Variants in TIMM23B observed in about 807,000 individuals in gnomAD.
TIMM23B encodes mitochondrial import inner membrane translocase subunit Tim23B.
In TIMM23B, 27 loss-of-function variants were observed where a neutral mutation model predicts 27.3. The ratio of observed to expected loss-of-function variants is 0.99; its 90% CI spans 0.73 to 1.36. The LOEUF is 1.36. TIMM23B is among the 40% of genes most tolerant of loss of function. The probability of loss-of-function intolerance (pLI) is 0.00; values close to 1 mark genes in which losing one functional copy is unlikely to be tolerated. For synonymous variants in TIMM23B, 73 were observed against 92.4 expected (o/e 0.79, Z 1.21); for missense variants, 205 against 244.2 (o/e 0.84, Z 1.07).
chr10:49,952,127 A>T lies in TIMM23B; in HGVS notation c.167A>T (p.Asp56Val), dbSNP rs1205449431. 9 of 1,593,408 alleles carry T rather than the reference A, an allele frequency of 5.6e-6. No individual in the cohort carries two copies. The Admixed American group carries it at 1.5e-4, about 27-fold the overall frequency. Reference sequence around the variant, plus strand: ...TGGTTTTCATTATTATCCTTTTAGGATACAGATGAGTTCATTTTACCTACC... The same window carrying T: ...TGGTTTTCATTATTATCCTTTTAGGTTACAGATGAGTTCATTTTACCTACC... ...LNVDPRYLVQ[D>V]TDEFILPTGA... Residue 56 changes from aspartate (D) to valine (V), a missense_variant and splice_region_variant, in exon 3 of 7, where the codon GAT becomes GTT. Physicochemically the swap from Asp to Val is radical, Grantham distance 152. Coordinates refer to ENST00000651259, the MANE Select transcript of TIMM23B (RefSeq NM_001290117.2).
intron 1 of TIMM23B, 33 bp from the exon 2 acceptor site, chr10:49,944,999 T>A: frequency 7.7e-6 from 12 of 1,559,744 alleles, no homozygotes; most frequent in Non-Finnish European, 1.1e-5. Flanking sequence ...TTAAAGAATT[T>A]TGTTGCAATG....
chr10:49,959,580 A>G (rs2133081227), intron 6 of TIMM23B, among the ~76,000 whole-genome samples: 1 of 152,270 alleles, frequency 6.6e-6, no homozygotes, highest in East Asian at 1.9e-4. Context: ...TTTTTAAGTC[A>G]AGGTTTTTAT....
At chr10:49,969,436 CAAAAAAAA>C (rs533041097) in intron 6 of TIMM23B, among the ~76,000 whole-genome samples, 66 of 74,768 alleles carry the variant, frequency 8.8e-4, no homozygotes, top group African/African-American at 3.3e-3. Flanking sequence ...GACCCTGTGT[CAAAAAAAA>C]AAAAAAAAAA....
At chr10:49,964,464 GATGAA>G (rs1840044060) in intron 6 of TIMM23B, among the ~76,000 whole-genome samples, 1 of 144,008 alleles carries the variant, frequency 6.9e-6, no homozygotes, top group African/African-American at 2.6e-5. Context: ...CAAATGAAAT[GATGAA>G]ATGAAATAAT....
chr10:49,972,284 C>T (rs1257656411), intron 6 of TIMM23B, among the ~76,000 whole-genome samples: 3 of 152,146 alleles, frequency 2.0e-5, no homozygotes, highest in Non-Finnish European at 4.4e-5. Flanking sequence ...ACATTCGGCA[C>T]TTTAGGACAG....
At chr10:49,949,196 C>CTTTT (rs1564679513) in intron 2 of TIMM23B, among the ~76,000 whole-genome samples, 1 of 94,134 alleles carries the variant, frequency 1.1e-5, no homozygotes, top group Non-Finnish European at 2.3e-5. Context: ...CCATGCCTGG[C>CTTTT]CTTTTTTTTT....
chr10:49,953,438 T>C (rs1839608490), intron 4 of TIMM23B, among the ~76,000 whole-genome samples: 2 of 152,178 alleles, frequency 1.3e-5, no homozygotes, highest in Admixed American at 1.3e-4. Flanking sequence ...CTTGACCTCC[T>C]GGGCTCAAGT....
intron 6 of TIMM23B, among the ~76,000 whole-genome samples, chr10:49,969,804 C>T (rs1282092794): frequency 5.3e-5 from 8 of 151,998 alleles, no homozygotes; most frequent in Non-Finnish European, 8.8e-5. Context: ...CACGGTCTCC[C>T]TCTCCCTCTC....
chr10:49,943,691 T>C (rs1839247103), intron 1 of TIMM23B, among the ~76,000 whole-genome samples: 1 of 151,120 alleles, frequency 6.6e-6, no homozygotes, highest in African/African-American at 2.4e-5. Context: ...GCTTTTACAG[T>C]GTGCTAGCTA....
In TIMM23B at chr10:49,952,487, T is replaced by C. The variant is rs1169838168; in HGVS notation, c.298T>C (p.Leu100=). 6.8e-6 allele frequency: 11 copies of C among 1,613,214 alleles called. No homozygotes were observed. The highest frequency in any genetic ancestry group is 8.5e-6 in the Non-Finnish European group (10 of 1,179,512). Reference sequence around the variant, plus strand: ...GGCAATGAATGGTCTTCGGCTAGGATTGAAGGAAACCCAGAACATGGCCTG... The same window carrying C: ...GGCAATGAATGGTCTTCGGCTAGGACTGAAGGAAACCCAGAACATGGCCTG... ...FGAMNGLRLG[L]KETQNMAWSK... The change falls in exon 4 of 7, where the codon TTG becomes CTG. Residue 100 remains leucine (L), a synonymous_variant. Coordinates refer to ENST00000651259, the MANE Select transcript of TIMM23B (RefSeq NM_001290117.2).
At chr10:49,942,931 T>A (rs1434354664) in intron 1 of TIMM23B, among the ~76,000 whole-genome samples, 16 of 152,224 alleles carry the variant, frequency 1.1e-4, no homozygotes, top group African/African-American at 2.2e-4. Flanking sequence ...GTCTTGTGAA[T>A]ATGTTTTCCA....
At chr10:49,971,844 G>A (rs1415067519) in intron 6 of TIMM23B, among the ~76,000 whole-genome samples, 5 of 152,166 alleles carry the variant, frequency 3.3e-5, no homozygotes, top group African/African-American at 1.2e-4. Context: ...AACACATTCT[G>A]TGCTGTGGCA....
chr10:49,957,634 G>A (rs1163618666), intron 5 of TIMM23B, among the ~76,000 whole-genome samples: 2,220 of 152,200 alleles, frequency 0.015, 51 homozygotes, highest in African/African-American at 0.049. Context: ...CCTGAGTGCA[G>A]GAGCTTTCAT....
chr10:49,942,153 G>C lies in TIMM23B; in HGVS notation c.-42G>C. 1 of 1,569,606 alleles carries C rather than the reference G, an allele frequency of 6.4e-7. No individual in the cohort carries two copies. Among genetic ancestry groups the C allele is most frequent in the Non-Finnish European group, 8.7e-7 (1 of 1,155,120 alleles). The stretch of plus-strand genomic sequence containing the variant: ...AGTAACGGCCCAGCGGACCACCCAG[G>C]CTTGAGGCAGCGGCGGGAACCACTC... On this transcript the variant is annotated 5_prime_UTR_variant, in exon 1 of 7. Transcript: ENST00000651259.
chr10:49,955,894 G>A (rs1839701918), intron 5 of TIMM23B, among the ~76,000 whole-genome samples: 1 of 152,154 alleles, frequency 6.6e-6, no homozygotes, highest in Non-Finnish European at 1.5e-5. Flanking sequence ...TGTTGCTGAT[G>A]TCTGCATTCC....
At chr10:49,956,426 C>CGTGTGTGTGTGTGTGT (rs1173703740) in intron 5 of TIMM23B, among the ~76,000 whole-genome samples, 2 of 113,854 alleles carry the variant, frequency 1.8e-5, no homozygotes, top group African/African-American at 2.9e-5. Context: ...ACTAGAAATA[C>CGTGTGTGTGTGTGTGT]GTGTGTGTGT....
intron 6 of TIMM23B, among the ~76,000 whole-genome samples, chr10:49,965,914 C>G (rs1445385568): frequency 2.7e-5 from 4 of 147,352 alleles, no homozygotes; most frequent in Non-Finnish European, 6.0e-5. Flanking sequence ...TAGAGCAAGT[C>G]TTCATCTGGA....
chr10:49,957,886 T>C (rs1231694833), intron 5 of TIMM23B, among the ~76,000 whole-genome samples: 3 of 152,234 alleles, frequency 2.0e-5, no homozygotes, highest in African/African-American at 7.2e-5. Context: ...AAGGCCTGCC[T>C]GCCCAGATTC....
chr10:49,946,851 G>A (rs1839369387), intron 2 of TIMM23B, among the ~76,000 whole-genome samples: 1 of 149,862 alleles, frequency 6.7e-6, no homozygotes, highest in African/African-American at 2.5e-5. Flanking sequence ...ACATAGAATG[G>A]CCAATGACCT....
Sources: gnomAD v4.1 joint callset for allele counts (sites outside exome capture counted in the v4.1 genomes callset) on GRCh38, gnomAD v4.1.1 for gene constraint, MANE v1.5 for transcripts, NCBI Gene and HGNC (gene_info 2026-07-23, HGNC 2026-07-21) for gene names.